The following TMEM132D variants were observed in gnomAD, a reference collection of about 807,000 sequenced individuals.
TMEM132D encodes transmembrane protein 132D.
Under a neutral mutation model 62.3 loss-of-function variants are expected in TMEM132D, and 21 were observed. The ratio of observed to expected loss-of-function variants is 0.34; its 90% CI spans 0.24 to 0.49. TMEM132D has a LOEUF of 0.49. TMEM132D is among the 20% of genes least tolerant of loss of function. TMEM132D has a pLI of 0.99. For synonymous variants in TMEM132D, 621 were observed against 575.6 expected, an observed-to-expected ratio of 1.08 and a Z score of -1.13; for missense variants, 1,346 against 1,402.8, an observed-to-expected ratio of 0.96 and a Z score of 0.65.
Position 129,242,843 on chromosome 12 carries a change from T to C in TMEM132D, c.1300-33180A>G, listed in dbSNP as rs146455669. Among the ~76,000 whole-genome samples the C allele has an allele frequency of 1.5e-3, 235 of 152,346 alleles. 1 individual carries two copies. The highest frequency in any genetic ancestry group is 3.4e-3 in the Middle Eastern group (1 of 294). ...TAAGTTCTTTAATCGTTTAAACTGT[T>C]ATTGAGCTCTTCCAAAATGCTAGGA... On this transcript the variant is annotated intron_variant, in intron 4 of 8. Transcript: ENST00000422113.
intron 4 of TMEM132D, among the ~76,000 whole-genome samples, chr12:129,265,637 T>C (rs1359838869): frequency 1.3e-5 from 2 of 151,992 alleles, no homozygotes; most frequent in African/African-American, 4.8e-5. Flanking sequence ...TCCCCTCATG[T>C]CTTTCAACTC....
At chr12:129,727,115 T>A (rs774045170) in intron 1 of TMEM132D, among the ~76,000 whole-genome samples, 1 of 152,248 alleles carries the variant, frequency 6.6e-6, no homozygotes, top group Non-Finnish European at 1.5e-5. Context: ...ATTGTAGATT[T>A]TTTATTTTGA....
At chr12:129,120,863 T>C (rs1876037429) in intron 5 of TMEM132D, among the ~76,000 whole-genome samples, 1 of 152,092 alleles carries the variant, frequency 6.6e-6, no homozygotes, top group Non-Finnish European at 1.5e-5. Flanking sequence ...GTTTTACAAC[T>C]TTCTATTAGT....
intron 5 of TMEM132D, among the ~76,000 whole-genome samples, chr12:129,178,612 G>A (rs1339326875): frequency 6.6e-6 from 1 of 152,058 alleles, no homozygotes; most frequent in Non-Finnish European, 1.5e-5. Flanking sequence ...AGAAACATAG[G>A]CCTTCTTAGG....
intron 3 of TMEM132D, among the ~76,000 whole-genome samples, chr12:129,422,095 T>TAAA (rs10633587): frequency 0.058 from 8,122 of 139,490 alleles, 519 homozygotes; most frequent in African/African-American, 0.15. Flanking sequence ...ACAGCAATGT[T>TAAA]AAAAAAAAAA....
chr12:129,325,264 AG>A (rs1480287948), intron 4 of TMEM132D, among the ~76,000 whole-genome samples: 2 of 152,220 alleles, frequency 1.3e-5, no homozygotes, highest in Non-Finnish European at 2.9e-5. Context: ...GACAGAAACA[AG>A]GTTTGTTAGG....
In TMEM132D at chr12:129,482,103, C is replaced by G. The variant is rs569956790; in HGVS notation, c.1115+48956G>C. ...GCTGACAGCCAGAAGGAGGTCCCAGCCATATGACTCTAGCTGAGCTGTCTC... is the reference window on the plus strand; with the variant it reads ...GCTGACAGCCAGAAGGAGGTCCCAGGCATATGACTCTAGCTGAGCTGTCTC... On this transcript the variant is annotated intron_variant, in intron 3 of 8. Transcript: ENST00000422113. 4.6e-5 allele frequency among the ~76,000 whole-genome samples: 7 copies of G among 152,340 alleles called. No homozygotes were observed. In the South Asian group the frequency reaches 1.4e-3, roughly 32 times the overall value.
chr12:129,664,264 C>A (rs908675950), intron 2 of TMEM132D, among the ~76,000 whole-genome samples: 1 of 152,122 alleles, frequency 6.6e-6, no homozygotes, highest in Non-Finnish European at 1.5e-5. Flanking sequence ...GCCTCTGGAC[C>A]TTTTGGGCAA....
chr12:129,187,517 A>G (rs925694568), intron 5 of TMEM132D, among the ~76,000 whole-genome samples: 2 of 152,242 alleles, frequency 1.3e-5, no homozygotes, highest in African/African-American at 4.8e-5. Flanking sequence ...CTTAAGAGTT[A>G]CTTAAAAACT....
At chr12:129,292,604 C>T (rs1566023753) in intron 4 of TMEM132D, among the ~76,000 whole-genome samples, 2 of 152,198 alleles carry the variant, frequency 1.3e-5, no homozygotes. Context: ...TCCTCCTATC[C>T]TGCCACCTAT....
At chr12:129,556,460 G>A (rs1342556647) in intron 2 of TMEM132D, among the ~76,000 whole-genome samples, 1 of 151,314 alleles carries the variant, frequency 6.6e-6, no homozygotes, top group Non-Finnish European at 1.5e-5. Flanking sequence ...TGGCAATGGG[G>A]TGGAGCTTTT....
At chr12:129,159,830 G>T (rs1368208449) in intron 5 of TMEM132D, among the ~76,000 whole-genome samples, 1 of 151,402 alleles carries the variant, frequency 6.6e-6, no homozygotes, top group Non-Finnish European at 1.5e-5. Context: ...AAACAGATAT[G>T]GTTCTAAGAC....
intron 3 of TMEM132D, among the ~76,000 whole-genome samples, chr12:129,362,445 T>C (rs989179913): frequency 3.9e-5 from 5 of 127,862 alleles, no homozygotes; most frequent in African/African-American, 1.5e-4. Flanking sequence ...GAAAGTGTTT[T>C]CCACACGTGA....
At chr12:129,837,366 T>C (rs1873038860) in intron 1 of TMEM132D, among the ~76,000 whole-genome samples, 1 of 152,078 alleles carries the variant, frequency 6.6e-6, no homozygotes, top group South Asian at 2.1e-4. Flanking sequence ...AGGCAGAGAG[T>C]CCTGTACTGA....
intron 6 of TMEM132D, among the ~76,000 whole-genome samples, 186 bp from the exon 7 acceptor site, chr12:129,082,218 CA>C (rs1874478739): frequency 6.6e-6 from 1 of 152,186 alleles, no homozygotes; most frequent in Non-Finnish European, 1.5e-5. Context: ...GACCCATCAG[CA>C]TGGCCGGTGC....
chr12:129,846,917 G>A (rs970672584), intron 1 of TMEM132D, among the ~76,000 whole-genome samples: 3 of 152,006 alleles, frequency 2.0e-5, no homozygotes, highest in Non-Finnish European at 2.9e-5. Flanking sequence ...TCCATGAGTC[G>A]ACTTCTGCCC....
chr12:129,807,654 C>G (rs576171286), intron 1 of TMEM132D, among the ~76,000 whole-genome samples: 1 of 152,086 alleles, frequency 6.6e-6, no homozygotes, highest in African/African-American at 2.4e-5. Flanking sequence ...ATCTGTCTTC[C>G]GACTCTCCTT....
At chr12:129,738,811 T>C (rs1436036168) in intron 1 of TMEM132D, among the ~76,000 whole-genome samples, 1 of 152,180 alleles carries the variant, frequency 6.6e-6, no homozygotes, top group Non-Finnish European at 1.5e-5. Flanking sequence ...GCCATCTTAA[T>C]AGTAGAACCT....
At chr12:129,152,663 G>C (rs966867114) in intron 5 of TMEM132D, among the ~76,000 whole-genome samples, 3 of 152,150 alleles carry the variant, frequency 2.0e-5, no homozygotes, top group Admixed American at 2.0e-4. Context: ...CAATCTCAAG[G>C]AAGAGTCTGT....
Sources: gnomAD v4.1 joint callset for allele counts (sites outside exome capture counted in the v4.1 genomes callset) on GRCh38, gnomAD v4.1.1 for gene constraint, MANE v1.5 for transcripts, NCBI Gene and HGNC (gene_info 2026-07-23, HGNC 2026-07-21) for gene names.